TMC2: variants seen among roughly 807,000 people sequenced by gnomAD.
TMC2 encodes the protein transmembrane channel-like protein 2.
A neutral mutation model predicts 105.9 loss-of-function variants in TMC2; 102 were observed. The observed-to-expected ratio is 0.96, with a 90% CI of 0.82 to 1.14. The LOEUF (loss-of-function observed/expected upper bound fraction) is 1.14, where lower values mean the gene tolerates loss of function less well. TMC2 is among the 50% of genes most tolerant of loss of function. The pLI, the probability that TMC2 is intolerant of heterozygous loss-of-function variation, is 0.00. For missense variants in TMC2, 1,093 were observed against 1,134.3 expected, an observed-to-expected ratio of 0.96 and a Z score of 0.52; for synonymous variants, 402 against 422.8, an observed-to-expected ratio of 0.95 and a Z score of 0.60.
intron 7 of TMC2, among the ~76,000 whole-genome samples, chr20:2,589,170 C>G (rs2086250629): frequency 6.6e-6 from 1 of 151,882 alleles, no homozygotes; most frequent in African/African-American, 2.4e-5. Flanking sequence ...GAGAACTAAG[C>G]AAGATGGTCT....
intron 14 of TMC2, 127 bp downstream of exon 14, chr20:2,613,449 A>G (rs751412774): frequency 9.5e-6 from 13 of 1,366,084 alleles, no homozygotes; most frequent in Admixed American, 7.2e-5. Context: ...TGCTCTGTAG[A>G]GTAGTAAAGT....
chr20:2,636,761 C>A (rs1051482043), intron 18 of TMC2, among the ~76,000 whole-genome samples: 1 of 65,414 alleles, frequency 1.5e-5, no homozygotes, highest in African/African-American at 4.7e-5. Flanking sequence ...GTAGCTGGGA[C>A]TACAGGCGTG....
At chr20:2,575,760 G>C (rs903629329) in intron 5 of TMC2, among the ~76,000 whole-genome samples, 2 of 115,922 alleles carry the variant, frequency 1.7e-5, no homozygotes, top group Admixed American at 2.3e-4. Context: ...TTAGCTCTTT[G>C]CTTCTTTCTC....
chr20:2,602,560 A>G (rs1401416582), intron 11 of TMC2, among the ~76,000 whole-genome samples: 2 of 152,222 alleles, frequency 1.3e-5, no homozygotes, highest in African/African-American at 2.4e-5. Flanking sequence ...ATTACTAACG[A>G]GGCGATCCTT....
intron 3 of TMC2, among the ~76,000 whole-genome samples, chr20:2,559,319 G>A (rs1031706509): frequency 1.3e-5 from 2 of 152,316 alleles, no homozygotes; most frequent in African/African-American, 4.8e-5. Flanking sequence ...CTGGAGCTTG[G>A]AGGTTTTATT....
At chr20:2,615,001 T>G (rs994914685) in intron 14 of TMC2, among the ~76,000 whole-genome samples, 65 of 151,944 alleles carry the variant, frequency 4.3e-4, no homozygotes, top group Non-Finnish European at 5.3e-4. Context: ...TAGATATGTG[T>G]TTTTTTTAAC....
At chr20:2,587,668 T>C (rs1050898663) in intron 7 of TMC2, among the ~76,000 whole-genome samples, 4 of 152,164 alleles carry the variant, frequency 2.6e-5, no homozygotes, top group Non-Finnish European at 5.9e-5. Flanking sequence ...TGTCTTGGAA[T>C]GTGTATATAT....
In TMC2 at chr20:2,563,008, T is replaced by A. The variant is rs145900908; in HGVS notation, c.554+998T>A. ...TAGTCATATTACATACTTTTTGAGT[T>A]TCTGCTAAAAAGTTCCTATCCAACA... On this transcript the variant is annotated intron_variant, in intron 4 of 19. Transcript: ENST00000358864. 5.4e-3 allele frequency among the ~76,000 whole-genome samples: 815 copies of A among 152,208 alleles called. 3 individuals are homozygous for A. Among genetic ancestry groups the A allele is most frequent in the Non-Finnish European group, 9.9e-3 (674 of 67,994 alleles).
At chr20:2,631,641 C>T (rs1411091172) in intron 17 of TMC2, among the ~76,000 whole-genome samples, 1 of 151,246 alleles carries the variant, frequency 6.6e-6, no homozygotes, top group African/African-American at 2.4e-5. Context: ...GTTAATCTTT[C>T]TGAGGCTTTC....
chr20:2,552,095 A>C (rs1311084436), intron 2 of TMC2, among the ~76,000 whole-genome samples: 2 of 152,196 alleles, frequency 1.3e-5, no homozygotes, highest in African/African-American at 2.4e-5. Flanking sequence ...TACAAAAAAA[A>C]AAAATTATAA....
At chr20:2,585,188 T>C (rs1318885201) in intron 7 of TMC2, among the ~76,000 whole-genome samples, 2 of 152,230 alleles carry the variant, frequency 1.3e-5, no homozygotes, top group Admixed American at 1.3e-4. Context: ...AAAATTACAA[T>C]GGGATTGTAA....
At chr20:2,588,502 T>C (rs913694595) in intron 7 of TMC2, among the ~76,000 whole-genome samples, 2 of 152,200 alleles carry the variant, frequency 1.3e-5, no homozygotes, top group Non-Finnish European at 2.9e-5. Context: ...GGTAATTTGT[T>C]ACACAGAAAT....
chr20:2,560,255 A>G (rs2086016193), intron 3 of TMC2, among the ~76,000 whole-genome samples: 1 of 120,824 alleles, frequency 8.3e-6, no homozygotes, highest in Non-Finnish European at 1.7e-5. Flanking sequence ...TTGGGTGTGC[A>G]TGAAGTATGG....
chr20:2,628,159 C>T (rs575351076), intron 17 of TMC2, among the ~76,000 whole-genome samples: 63 of 147,736 alleles, frequency 4.3e-4, no homozygotes, highest in African/African-American at 1.5e-3. Context: ...AAGAGCGAGA[C>T]TCTGTCTCAA....
intron 4 of TMC2, among the ~76,000 whole-genome samples, chr20:2,571,032 A>C (rs903944010): frequency 1.3e-5 from 2 of 152,236 alleles, no homozygotes; most frequent in African/African-American, 2.4e-5. Context: ...TGTAAGACCT[A>C]AAATTATTAA....
intron 5 of TMC2, among the ~76,000 whole-genome samples, chr20:2,575,021 C>T (rs1174437801): frequency 3.9e-5 from 6 of 152,102 alleles, no homozygotes; most frequent in Non-Finnish European, 5.9e-5. Flanking sequence ...CCACCATGCC[C>T]GGACTCAATC....
At chr20:2,536,755 A>G in intron 1 of TMC2, 100 bp downstream of exon 1, 1 of 1,381,982 alleles carries the variant, frequency 7.2e-7, no homozygotes, top group Non-Finnish European at 1.0e-6. Context: ...CATAGGGAGG[A>G]GCTGGGTTTG....
At position 2,616,822 on chromosome 20, in the gene TMC2, C is replaced by T. The variant is rs567650341; in HGVS notation, c.1941-250C>T. Among the ~76,000 whole-genome samples, 15 of 152,326 alleles carry T rather than the reference C, an allele frequency of 9.8e-5. No homozygotes were observed. Among genetic ancestry groups the T allele is most frequent in the Admixed American group, 8.5e-4 (13 of 15,308 alleles). ...GTATAATTTGCTAGATGCCTGGGGG[C>T]GAGTCAGTGGTAAAATCTTGGCCAG... On this transcript the variant is annotated intron_variant, in intron 15 of 19. Transcript: ENST00000358864. The surrounding 1 kb of genome is among the most constrained non-coding windows in gnomAD (Gnocchi z 4.8).
chr20:2,576,971 T>C (rs2086151304), intron 5 of TMC2, among the ~76,000 whole-genome samples: 1 of 149,482 alleles, frequency 6.7e-6, no homozygotes, highest in Non-Finnish European at 1.5e-5. Context: ...TGCAGTGGTG[T>C]GATCTTGGCT....
Sources: allele counts gnomAD v4.1 joint callset (sites outside exome capture counted in the v4.1 genomes callset), GRCh38; gene constraint gnomAD v4.1.1; non-coding constraint Gnocchi (gnomAD v3.1); transcripts MANE v1.5; gene names NCBI Gene and HGNC (gene_info 2026-07-23, HGNC 2026-07-21).